Variants in CACNA2D3 observed in about 807,000 individuals in gnomAD.
CACNA2D3 encodes calcium voltage-gated channel auxiliary subunit alpha2delta 3.
Under a neutral mutation model 160.6 loss-of-function variants are expected in CACNA2D3, and 60 were observed. That is an observed-to-expected ratio of 0.37 (90% CI 0.30 to 0.46). The LOEUF (loss-of-function observed/expected upper bound fraction) is 0.46, where lower values mean the gene tolerates loss of function less well. CACNA2D3 is among the 20% of genes least tolerant of loss of function. The probability of loss-of-function intolerance (pLI) is 1.00; values close to 1 mark genes in which losing one functional copy is unlikely to be tolerated. For missense variants in CACNA2D3, 1,205 were observed against 1,365.0 expected (o/e 0.88, Z 1.85); for synonymous variants, 558 against 492.9 (o/e 1.13, Z -1.75).
Position 54,551,548 on chromosome 3 carries a change from A to G in CACNA2D3, c.545-11252A>G, listed in dbSNP as rs548288682. Among the ~76,000 whole-genome samples, 3 of 152,224 alleles carry G rather than the reference A, an allele frequency of 2.0e-5. No individual in the cohort carries two copies. The East Asian group carries it at 5.8e-4, about 29-fold the overall frequency. On this transcript the variant is annotated intron_variant, in intron 5 of 37. Coordinates refer to ENST00000474759, the MANE Select transcript of CACNA2D3 (RefSeq NM_018398.3). Reference sequence around the variant, plus strand: ...GCCTCAGTGAGCTTGACCAGTGCAGATTTGGGTGTATGTTGGGAGCTGGAG... The same window carrying G: ...GCCTCAGTGAGCTTGACCAGTGCAGGTTTGGGTGTATGTTGGGAGCTGGAG...
intron 35 of CACNA2D3, among the ~76,000 whole-genome samples, chr3:55,034,752 TA>T (rs1703775263): frequency 6.6e-6 from 1 of 152,150 alleles, no homozygotes; most frequent in Non-Finnish European, 1.5e-5. Flanking sequence ...CATAATTTCT[TA>T]AAAAACTAAC....
chr3:54,279,991 G>A (rs906835220), intron 2 of CACNA2D3, among the ~76,000 whole-genome samples: 3 of 152,192 alleles, frequency 2.0e-5, no homozygotes, highest in African/African-American at 7.2e-5. Context: ...CACCTGTAGA[G>A]AATTCCAACA....
At chr3:55,021,667 A>G (rs1239535739) in intron 35 of CACNA2D3, among the ~76,000 whole-genome samples, 4 of 140,756 alleles carry the variant, frequency 2.8e-5, no homozygotes, top group Admixed American at 7.0e-5. Context: ...ATGTGTGTGT[A>G]TATATATATG....
At chr3:54,351,193 G>T (rs557616277) in intron 3 of CACNA2D3, among the ~76,000 whole-genome samples, 1 of 151,766 alleles carries the variant, frequency 6.6e-6, no homozygotes, top group South Asian at 2.1e-4. Context: ...TGTTGGCCAG[G>T]CTGGTCTCGA....
At chr3:54,551,243 A>G (rs1448775003) in intron 5 of CACNA2D3, among the ~76,000 whole-genome samples, 1 of 152,018 alleles carries the variant, frequency 6.6e-6, no homozygotes, top group African/African-American at 2.4e-5. Flanking sequence ...TGCAGATTCC[A>G]TTTTACCCCA....
intron 4 of CACNA2D3, among the ~76,000 whole-genome samples, chr3:54,411,360 G>C (rs1208215673): frequency 3.9e-5 from 6 of 152,180 alleles, no homozygotes; most frequent in Non-Finnish European, 7.3e-5. Context: ...GTGAAAGGAG[G>C]AGTGAATTGT....
intron 11 of CACNA2D3, among the ~76,000 whole-genome samples, chr3:54,702,151 G>A (rs608977): frequency 1 from 151,622 of 152,322 alleles, 75,466 homozygotes; most frequent in East Asian, 1. Context: ...CTAAAATTGT[G>A]AAAACCCTAG....
chr3:54,914,957 A>G (rs1217814144), intron 27 of CACNA2D3, among the ~76,000 whole-genome samples: 1 of 152,124 alleles, frequency 6.6e-6, no homozygotes, highest in Non-Finnish European at 1.5e-5. Context: ...ATTATTTTAG[A>G]AATTAGTTTA....
intron 3 of CACNA2D3, among the ~76,000 whole-genome samples, chr3:54,384,017 C>T (rs1378565590): frequency 6.6e-6 from 1 of 152,076 alleles, no homozygotes; most frequent in Non-Finnish European, 1.5e-5. Context: ...ATATGAAATA[C>T]ATTTCATGGA....
intron 3 of CACNA2D3, among the ~76,000 whole-genome samples, chr3:54,383,934 T>C (rs187810455): frequency 3.0e-4 from 46 of 152,342 alleles, no homozygotes; most frequent in African/African-American, 1.1e-3. Flanking sequence ...TATAGGAATA[T>C]GTTACATAGT....
chr3:54,269,550 CAT>C (rs1410483436), intron 2 of CACNA2D3, among the ~76,000 whole-genome samples: 3 of 152,146 alleles, frequency 2.0e-5, no homozygotes, highest in Non-Finnish European at 4.4e-5. Flanking sequence ...TGTGCCCACA[CAT>C]GATTGGTGTG....
intron 4 of CACNA2D3, among the ~76,000 whole-genome samples, chr3:54,469,307 C>T: frequency 6.6e-6 from 1 of 152,314 alleles, no homozygotes; most frequent in South Asian, 2.1e-4. Flanking sequence ...GCACCTCCAG[C>T]AAACTCCAGC....
intron 9 of CACNA2D3, 78 bp from the exon 10 acceptor site, chr3:54,627,709 C>T (rs995689732): frequency 2.4e-5 from 20 of 846,106 alleles, no homozygotes; most frequent in Middle Eastern, 2.2e-4. Flanking sequence ...CTTGCCATGG[C>T]GTACATCTAA....
At chr3:54,468,750 C>T (rs965072673) in intron 4 of CACNA2D3, among the ~76,000 whole-genome samples, 2 of 152,136 alleles carry the variant, frequency 1.3e-5, no homozygotes, top group Non-Finnish European at 2.9e-5. Context: ...GGGGGAGGTG[C>T]GTCTGCCATT....
intron 10 of CACNA2D3, 41 bp from the exon 11 acceptor site, chr3:54,642,087 C>A (rs1382634328): frequency 1.5e-6 from 2 of 1,306,814 alleles, no homozygotes; most frequent in Non-Finnish European, 1.1e-6. Context: ...ACACAGAATT[C>A]TCTGATATGT....
intron 13 of CACNA2D3, chr3:54,789,981 G>T: frequency 2.5e-6 from 1 of 405,082 alleles, no homozygotes; most frequent in Non-Finnish European, 5.0e-6. Context: ...TCGAGAAAGA[G>T]TCAAATAAAC....
chr3:54,273,696 G>C (rs1304636458), intron 2 of CACNA2D3, among the ~76,000 whole-genome samples: 1 of 152,102 alleles, frequency 6.6e-6, no homozygotes, highest in African/African-American at 2.4e-5. Flanking sequence ...GACTGGGAAG[G>C]GTCTCCATCT....
At chr3:54,194,382 A>G (rs893398322) in intron 2 of CACNA2D3, among the ~76,000 whole-genome samples, 1 of 152,224 alleles carries the variant, frequency 6.6e-6, no homozygotes, top group African/African-American at 2.4e-5. Context: ...AGTTAAAAAA[A>G]GTCATAATTG....
intron 17 of CACNA2D3, among the ~76,000 whole-genome samples, chr3:54,862,148 T>C (rs954206000): frequency 6.6e-6 from 1 of 152,128 alleles, no homozygotes; most frequent in African/African-American, 2.4e-5. Context: ...CATACATATT[T>C]ATACTGTAAA....
Sources: gnomAD v4.1 joint callset for allele counts (sites outside exome capture counted in the v4.1 genomes callset) on GRCh38, gnomAD v4.1.1 for gene constraint, MANE v1.5 for transcripts, NCBI Gene and HGNC (gene_info 2026-07-23, HGNC 2026-07-21) for gene names.